The following ENOX1 variants were observed in gnomAD, a reference collection of about 807,000 sequenced individuals.
The protein encoded by ENOX1 is candidate growth-related and time keeping constitutive hydroquinone (NADH) oxidase.
In ENOX1, 42 loss-of-function variants were observed where a neutral mutation model predicts 82.5. The observed-to-expected ratio is 0.51, with a 90% CI of 0.40 to 0.66. ENOX1 has a LOEUF of 0.66. Ranked by LOEUF, ENOX1 falls within the 30% of genes least tolerant of loss-of-function variation. ENOX1 has a pLI of 0.00. For missense variants in ENOX1, 608 were observed against 811.6 expected (o/e 0.75, Z 3.05); for synonymous variants, 271 against 282.2 (o/e 0.96, Z 0.40).
intron 12 of ENOX1, among the ~76,000 whole-genome samples, chr13:43,278,170 TTAA>T (rs1272405061): frequency 3.9e-5 from 6 of 152,212 alleles, no homozygotes; most frequent in Admixed American, 2.6e-4. Context: ...CTGTTAAGAT[TTAA>T]TAATATGTAT....
At chr13:43,679,845 A>T (rs1478657382) in intron 1 of ENOX1, among the ~76,000 whole-genome samples, 1 of 152,240 alleles carries the variant, frequency 6.6e-6, no homozygotes, top group Non-Finnish European at 1.5e-5. Context: ...CATATCATGG[A>T]AACAAATGCC....
chr13:43,588,565 G>A (rs545385302), intron 2 of ENOX1, among the ~76,000 whole-genome samples: 1 of 152,338 alleles, frequency 6.6e-6, no homozygotes, highest in Admixed American at 6.5e-5. Context: ...TAGGGAAGTT[G>A]AGGTTGGAAT....
At chr13:43,354,635 C>G (rs1021670479) in intron 8 of ENOX1, among the ~76,000 whole-genome samples, 2 of 152,190 alleles carry the variant, frequency 1.3e-5, no homozygotes, top group Admixed American at 1.3e-4. Flanking sequence ...TCAATCACAT[C>G]CCTCTTCTCA....
chr13:43,590,920 G>A (rs1287012684), intron 2 of ENOX1, among the ~76,000 whole-genome samples: 1 of 152,080 alleles, frequency 6.6e-6, no homozygotes, highest in Non-Finnish European at 1.5e-5. Flanking sequence ...TGTTCCAATA[G>A]TAACCAGGAA....
At chr13:43,391,452 G>A (rs1011511009) in intron 5 of ENOX1, among the ~76,000 whole-genome samples, 2 of 152,002 alleles carry the variant, frequency 1.3e-5, no homozygotes, top group Non-Finnish European at 2.9e-5. Context: ...ATATATCCCT[G>A]TGTCTACTCA....
intron 3 of ENOX1, among the ~76,000 whole-genome samples, chr13:43,449,369 A>T (rs1298084521): frequency 6.6e-6 from 1 of 152,336 alleles, no homozygotes; most frequent in South Asian, 2.1e-4. Flanking sequence ...AATTTTAGAC[A>T]CTGGTTGGGC....
chr13:43,357,000 T>C (rs1419306527), intron 7 of ENOX1, among the ~76,000 whole-genome samples: 2 of 152,176 alleles, frequency 1.3e-5, no homozygotes, highest in African/African-American at 4.8e-5. Flanking sequence ...ATAAAGATTA[T>C]GAGCAGAAAT....
chr13:43,392,696 G>A (rs1301684129), intron 5 of ENOX1, among the ~76,000 whole-genome samples: 7 of 151,998 alleles, frequency 4.6e-5, no homozygotes, highest in Non-Finnish European at 8.8e-5. Context: ...ACTCTGGAGG[G>A]GGAATGTAAT....
chr13:43,739,484 G>C (rs1350998182), intron 1 of ENOX1, among the ~76,000 whole-genome samples: 1 of 152,040 alleles, frequency 6.6e-6, no homozygotes. Flanking sequence ...AGGAGGTGGA[G>C]GCTGCAGTGA....
At chr13:43,449,537 TA>T (rs1328777577) in intron 3 of ENOX1, among the ~76,000 whole-genome samples, 3 of 152,234 alleles carry the variant, frequency 2.0e-5, no homozygotes, top group Non-Finnish European at 4.4e-5. Context: ...TATTTTGAAT[TA>T]AAAGGTGTTA....
At chr13:43,471,809 CAAAAAAA>C (rs5803181) in intron 3 of ENOX1, among the ~76,000 whole-genome samples, 1 of 124,540 alleles carries the variant, frequency 8.0e-6, no homozygotes. Flanking sequence ...GACTCCGTCT[CAAAAAAA>C]AAAAAAAAAA....
chr13:43,706,823 A>G (rs576919634), intron 1 of ENOX1, among the ~76,000 whole-genome samples: 2 of 152,218 alleles, frequency 1.3e-5, no homozygotes, highest in South Asian at 2.1e-4. Context: ...CTTTTCTCCT[A>G]AAGTCAGGAA....
intron 5 of ENOX1, among the ~76,000 whole-genome samples, chr13:43,400,452 T>C (rs529801025): frequency 1.3e-5 from 2 of 152,348 alleles, no homozygotes; most frequent in African/African-American, 2.4e-5. Flanking sequence ...TGTTAAACTT[T>C]AAAAATTCCA....
chr13:43,732,232 A>G (rs1310309435), intron 1 of ENOX1, among the ~76,000 whole-genome samples: 33 of 152,202 alleles, frequency 2.2e-4, no homozygotes. Context: ...TACAGGATGG[A>G]TAAGACGAAC....
intron 3 of ENOX1, among the ~76,000 whole-genome samples, chr13:43,439,833 G>A (rs1032022621): frequency 2.0e-5 from 3 of 152,102 alleles, no homozygotes; most frequent in African/African-American, 7.2e-5. Context: ...GTCAATAAAT[G>A]AGCAACGAGC....
At chr13:43,385,282 T>C (rs1381453768) in intron 5 of ENOX1, among the ~76,000 whole-genome samples, 3 of 152,136 alleles carry the variant, frequency 2.0e-5, no homozygotes, top group African/African-American at 7.2e-5. Flanking sequence ...AACTTTTATA[T>C]TGAGCAACAA....
intron 14 of ENOX1, among the ~76,000 whole-genome samples, chr13:43,252,980 A>T (rs2043542642): frequency 2.0e-5 from 3 of 152,206 alleles, no homozygotes. Context: ...ATTTATTGCC[A>T]AGTCCAATCT....
intron 8 of ENOX1, among the ~76,000 whole-genome samples, chr13:43,354,675 T>C (rs976192501): frequency 2.6e-5 from 4 of 152,174 alleles, no homozygotes; most frequent in Non-Finnish European, 5.9e-5. Flanking sequence ...TTCTCCACTG[T>C]TTATGGAATA....
intron 2 of ENOX1, among the ~76,000 whole-genome samples, chr13:43,610,102 T>C (rs907882552): frequency 6.6e-6 from 1 of 152,204 alleles, no homozygotes; most frequent in African/African-American, 2.4e-5. Context: ...ATGCTGGGAA[T>C]TGCAAAGTGC....
Sources: gnomAD v4.1 joint callset for allele counts (sites outside exome capture counted in the v4.1 genomes callset) on GRCh38, gnomAD v4.1.1 for gene constraint, MANE v1.5 for transcripts, NCBI Gene and HGNC (gene_info 2026-07-23, HGNC 2026-07-21) for gene names.